Variants in SLC9A1 observed in about 807,000 individuals in gnomAD.
SLC9A1 encodes the protein sodium/hydrogen exchanger 1.
Under a neutral mutation model 67.9 loss-of-function variants are expected in SLC9A1, and 22 were observed. That is an observed-to-expected ratio of 0.32 (90% confidence interval 0.23 to 0.46). The LOEUF is 0.46. SLC9A1 is among the 20% of genes least tolerant of loss of function. SLC9A1 has a pLI of 1.00. For missense variants in SLC9A1, 686 were observed against 1,094.8 expected (o/e 0.63, Z 5.27); for synonymous variants, 421 against 471.8 (o/e 0.89, Z 1.40).
intron 1 of SLC9A1, among the ~76,000 whole-genome samples, chr1:27,124,466 T>C: frequency 6.6e-6 from 1 of 151,956 alleles, no homozygotes; most frequent in East Asian, 1.9e-4. Context: ...GCTACAGAGG[T>C]GGAATATAAA....
At chr1:27,135,206 T>A (rs1012085914) in intron 1 of SLC9A1, among the ~76,000 whole-genome samples, 4 of 152,034 alleles carry the variant, frequency 2.6e-5, no homozygotes, top group Non-Finnish European at 5.9e-5. Context: ...TGTGCCACCA[T>A]GCCCTACTAA....
intron 1 of SLC9A1, among the ~76,000 whole-genome samples, chr1:27,117,137 G>A (rs1197116063): frequency 6.6e-6 from 1 of 151,942 alleles, no homozygotes; most frequent in Non-Finnish European, 1.5e-5. Context: ...GGCAGAAGCA[G>A]CTGAGACAAG....
intron 1 of SLC9A1, among the ~76,000 whole-genome samples, chr1:27,127,574 T>G (rs941726810): frequency 1.3e-5 from 2 of 150,232 alleles, no homozygotes; most frequent in Non-Finnish European, 3.0e-5. Flanking sequence ...GGGAGAGAAT[T>G]CCCAATCACC....
intron 1 of SLC9A1, among the ~76,000 whole-genome samples, chr1:27,144,747 G>A (rs561668292): frequency 2.6e-5 from 4 of 152,230 alleles, no homozygotes; most frequent in African/African-American, 7.2e-5. Flanking sequence ...GGTGGCTCAC[G>A]CCTTTAATCT....
chr1:27,123,069 C>T (rs987350620), intron 1 of SLC9A1, among the ~76,000 whole-genome samples: 2 of 152,172 alleles, frequency 1.3e-5, no homozygotes, highest in African/African-American at 4.8e-5. Context: ...GCTCCAAAGA[C>T]TCTCATGGCT....
Position 27,146,132 on chromosome 1 carries a change from A to G in SLC9A1, c.352+7851T>C, listed in dbSNP as rs572009615. Among the ~76,000 whole-genome samples the G allele has an allele frequency of 1.4e-4, 21 of 152,248 alleles. No homozygotes were observed. The East Asian group carries it at 3.9e-3, about 28-fold the overall frequency. The stretch of plus-strand genomic sequence containing the variant: ...CTGCAAAATGAGGCCCACACAGGCG[A>G]TGGATGACTCAGGAATAACCCAGGT... On this transcript the variant is annotated intron_variant, in intron 1 of 11. Transcript: ENST00000263980.
At position 27,118,470 on chromosome 1, in the gene SLC9A1, C is replaced by T. The variant is rs1441256218; in HGVS notation, c.353-4184G>A. ...CCTAACGCCCTGACTCCACCAACTG[C>T]GCTCACTCTGCATCCCTGCAGAGTC... On this transcript the variant is annotated intron_variant, in intron 1 of 11. Coordinates refer to ENST00000263980, the MANE Select transcript of SLC9A1 (RefSeq NM_003047.5). This position sits in a 1 kb window ranked among gnomAD's most constrained non-coding sequence, Gnocchi z 4.3. 1.3e-5 allele frequency among the ~76,000 whole-genome samples: 2 copies of T among 152,192 alleles called. No homozygotes were observed. The highest frequency in any genetic ancestry group is 6.5e-5 in the Admixed American group (1 of 15,284).
chr1:27,124,865 T>TG (rs1557747288), intron 1 of SLC9A1, among the ~76,000 whole-genome samples: 1 of 152,032 alleles, frequency 6.6e-6, no homozygotes. Flanking sequence ...GCAGAAAAGA[T>TG]GGGGGGCCTT....
chr1:27,137,434 T>C lies in SLC9A1; in HGVS notation c.352+16549A>G, dbSNP rs1187683321. Among the ~76,000 whole-genome samples the C allele has an allele frequency of 6.6e-6, 1 of 152,226 alleles. No individual in the cohort carries two copies. The highest frequency in any genetic ancestry group is 2.4e-5 in the African/African-American group (1 of 41,458). ...GGGCTCTGTCATCATGTCAGACATT[T>C]AGAAGCCCTTACTGCTAGGTGCTCG... On this transcript the variant is annotated intron_variant, in intron 1 of 11. Coordinates refer to ENST00000263980, the MANE Select transcript of SLC9A1 (RefSeq NM_003047.5). This position sits in a 1 kb window ranked among gnomAD's most constrained non-coding sequence, Gnocchi z 4.6.
chr1:27,126,439 G>C (rs1005434572), intron 1 of SLC9A1, among the ~76,000 whole-genome samples: 1 of 152,174 alleles, frequency 6.6e-6, no homozygotes, highest in Non-Finnish European at 1.5e-5. Context: ...ATGTTGTCGG[G>C]GGGGTCACCA....
rs72880844 is a variant in SLC9A1 at position 27,137,242 on chromosome 1, G to A, written c.352+16741C>T. Among the ~76,000 whole-genome samples the A allele has an allele frequency of 9.6e-3, 1,457 of 152,352 alleles. 28 individuals are homozygous for A. The highest frequency in any genetic ancestry group is 0.034 in the African/African-American group (1,395 of 41,584). ...AAGAAAGTGGGACAGGCAGGAGGCC[G>A]CCTCACCTCTGCGGAGGGAACGATG... is the stretch of plus-strand genomic sequence containing the variant. On this transcript the variant is annotated intron_variant, in intron 1 of 11. Transcript: ENST00000263980. This position sits in a 1 kb window ranked among gnomAD's most constrained non-coding sequence, Gnocchi z 4.6.
Position 27,101,415 on chromosome 1 carries a change from G to A in SLC9A1, c.2038-140C>T, listed in dbSNP as rs1022446506. 22 of 681,424 alleles carry A rather than the reference G, an allele frequency of 3.2e-5. No individual in the cohort carries two copies. Among genetic ancestry groups the A allele is most frequent in the African/African-American group, 5.3e-5 (3 of 56,520 alleles). 42.2% of individuals were successfully genotyped at this position (681,424 alleles called of 1,614,324 possible). On this transcript the variant is annotated intron_variant, in intron 10 of 11. Coordinates refer to ENST00000263980, the MANE Select transcript of SLC9A1 (RefSeq NM_003047.5). The surrounding 1 kb of genome is among the most constrained non-coding windows in gnomAD (Gnocchi z 4.9). The stretch of plus-strand genomic sequence containing the variant: ...CTCCCTTGTGCCTGTGTGGGCACCC[G>A]TACTGGCCCCTCAGGAGCTCCTAAG...
chr1:27,122,651 G>T (rs1285079732), intron 1 of SLC9A1, among the ~76,000 whole-genome samples: 1 of 152,096 alleles, frequency 6.6e-6, no homozygotes, highest in Non-Finnish European at 1.5e-5. Flanking sequence ...CTTCTCCCTG[G>T]GTCTCAAGGA....
chr1:27,109,615 T>C lies in SLC9A1; in HGVS notation c.976A>G (p.Ile326Val), dbSNP rs201752320. 9.3e-6 allele frequency: 15 copies of C among 1,613,746 alleles called. No individual in the cohort carries two copies. In the Admixed American group the frequency reaches 1.3e-4, roughly 14 times the overall value. Residue 326 changes from isoleucine (I) to valine (V), a missense_variant, in exon 3 of 12, where the codon ATC becomes GTC. By Grantham distance (29) the Ile-to-Val change is conservative (BLOSUM62 3). Coordinates refer to ENST00000263980, the MANE Select transcript of SLC9A1 (RefSeq NM_003047.5). The surrounding 1 kb of genome is among the most constrained non-coding windows in gnomAD (Gnocchi z 5.5). ...AAFTSRFTSH[I>V]RVIEPLFVFL... The stretch of plus-strand genomic sequence containing the variant: ...ACGAAGAGCGGCTCGATGACCCGGA[T>C]GTGGGAGGTAAATCGGGAGGTGAAG...
At chr1:27,116,334 A>G (rs975146595) in intron 1 of SLC9A1, among the ~76,000 whole-genome samples, 2 of 152,022 alleles carry the variant, frequency 1.3e-5, no homozygotes, top group Non-Finnish European at 2.9e-5. Flanking sequence ...AGCTCCAGCC[A>G]AGATCACTCC....
rs557917651 is a variant in SLC9A1, at chr1:27,120,171, CTTG to C, written c.353-5888_353-5886del. Among the ~76,000 whole-genome samples the C allele has an allele frequency of 3.8e-4, 57 of 151,970 alleles. No individual in the cohort carries two copies. In the South Asian group the frequency reaches 5.6e-3, roughly 15 times the overall value. ...TGTTTTGGGGGGGCGGAGTCTCACT[CTTG>C]TTGTACAGTGGCGCGATTTCGGCTC... On this transcript the variant is annotated intron_variant, in intron 1 of 11. Coordinates refer to ENST00000263980, the MANE Select transcript of SLC9A1 (RefSeq NM_003047.5).
chr1:27,109,630 G>T lies in SLC9A1; in HGVS notation c.961C>A (p.Arg321=). The change falls in exon 3 of 12, where the codon CGA becomes AGA. Residue 321 remains arginine, a synonymous_variant. Coordinates refer to ENST00000263980, the MANE Select transcript of SLC9A1 (RefSeq NM_003047.5). The surrounding 1 kb of genome is among the most constrained non-coding windows in gnomAD (Gnocchi z 5.5). ...VYGVIAAFTS[R]FTSHIRVIEP... The stretch of plus-strand genomic sequence containing the variant: ...ATGACCCGGATGTGGGAGGTAAATC[G>T]GGAGGTGAAGGCTGCGATGACCCCG... The T allele has an allele frequency of 6.2e-7, 1 of 1,613,886 alleles. No individual in the cohort carries two copies. The highest frequency in any genetic ancestry group is 1.1e-5 in the South Asian group (1 of 91,088).
At chr1:27,144,733 G>T (rs969964637) in intron 1 of SLC9A1, among the ~76,000 whole-genome samples, 2 of 152,228 alleles carry the variant, frequency 1.3e-5, no homozygotes, top group African/African-American at 4.8e-5. Flanking sequence ...AACAGGCCAG[G>T]CGTGGTGGCT....
rs996560889 is a variant in SLC9A1 at position 27,114,038 on chromosome 1, C to T, written c.601G>A (p.Ala201Thr). The T allele has an allele frequency of 3.1e-6, 5 of 1,614,094 alleles. No individual in the cohort carries two copies. Among genetic ancestry groups the T allele is most frequent in the South Asian group, 1.1e-5 (1 of 91,090 alleles). The change falls in exon 2 of 12, where the codon GCC (alanine) becomes ACC (threonine). Residue 201 changes from alanine to threonine, a missense_variant. By Grantham distance (58) the Ala-to-Thr change is moderately conservative. Around this residue, in one of 7 missense-constraint regions of SLC9A1, gnomAD observed 49 missense variants for 73.1 expected, o/e 0.67. Transcript: ENST00000263980. This position sits in a 1 kb window ranked among gnomAD's most constrained non-coding sequence, Gnocchi z 5.4. Reference protein sequence around the residue: ...IFAVVGTLWNAFFLGGLMYAV... With the variant: ...IFAVVGTLWNTFFLGGLMYAV... ...TACATGAGGCCGCCCAGGAAGAAGG[C>T]GTTCCACAGCGTGCCCACCACGGCA...
Sources: allele counts gnomAD v4.1 joint callset (sites outside exome capture counted in the v4.1 genomes callset), GRCh38; gene constraint gnomAD v4.1.1; regional missense constraint gnomAD v4.1.1; non-coding constraint Gnocchi (gnomAD v3.1); transcripts MANE v1.5; gene names NCBI Gene and HGNC (gene_info 2026-07-23, HGNC 2026-07-21).